The following RYR3 variants were observed in gnomAD, a reference collection of about 807,000 sequenced individuals.
RYR3 encodes brain ryanodine receptor-calcium release channel.
A neutral mutation model predicts 584.3 loss-of-function variants in RYR3; 207 were observed. That is an observed-to-expected ratio of 0.35 (90% CI 0.32 to 0.40). The LOEUF (loss-of-function observed/expected upper bound fraction) is 0.40, where lower values mean the gene tolerates loss of function less well. Among genes scored for constraint, RYR3 ranks in the 10% least tolerant of loss-of-function variants. The probability of loss-of-function intolerance (pLI) is 1.00; values close to 1 mark genes in which losing one functional copy is unlikely to be tolerated. For synonymous variants in RYR3, 2,416 were observed against 2,248.5 expected (o/e 1.07, Z -2.11); for missense variants, 5,616 against 6,089.2 (o/e 0.92, Z 2.59).
intron 1 of RYR3, among the ~76,000 whole-genome samples, chr15:33,464,503 T>TATATACACACAC (rs1180164194): frequency 2.8e-5 from 3 of 105,936 alleles, no homozygotes; most frequent in African/African-American, 6.7e-5. Context: ...CATATATATA[T>TATATACACACAC]ACATACACAT....
Position 33,660,305 on chromosome 15 carries a change from C to A in RYR3, c.4504C>A (p.Arg1502Ser). Residue 1502 changes from arginine (R) to serine (S), a missense_variant, in exon 34 of 104, where the codon CGC (arginine) becomes AGC (serine). Transcript: ENST00000634891. ...AACCATCCAGCCCGTGCTCTGGAGC[C>A]GCATGCCCAACAGCTTCCTGAAGGT... Reference protein sequence around the residue: ...VQTIQPVLWSRMPNSFLKVET... With the variant: ...VQTIQPVLWSSMPNSFLKVET... 1.3e-6 allele frequency: 2 copies of A among 1,577,784 alleles called. No individual in the cohort carries two copies. The highest frequency in any genetic ancestry group is 2.3e-5 in the East Asian group (1 of 42,686).
intron 75 of RYR3, among the ~76,000 whole-genome samples, chr15:33,817,975 C>T (rs1207027050): frequency 2.0e-5 from 3 of 152,142 alleles, no homozygotes; most frequent in Admixed American, 6.5e-5. Flanking sequence ...AAGAAAAGAC[C>T]TGATAAAAGG....
intron 1 of RYR3, among the ~76,000 whole-genome samples, chr15:33,455,898 T>C (rs887553135): frequency 2.6e-5 from 4 of 152,174 alleles, no homozygotes; most frequent in African/African-American, 9.7e-5. Context: ...AGTCCATCAG[T>C]ACACAAGCAT....
chr15:33,746,314 C>T (rs1435834924), intron 53 of RYR3, among the ~76,000 whole-genome samples, 157 bp downstream of exon 53: 1 of 152,206 alleles, frequency 6.6e-6, no homozygotes, highest in African/African-American at 2.4e-5. Context: ...TGGGCAAGTG[C>T]CTCAGGACCA....
At chr15:33,388,867 A>G (rs1339567086) in intron 1 of RYR3, among the ~76,000 whole-genome samples, 1 of 152,014 alleles carries the variant, frequency 6.6e-6, no homozygotes, top group Non-Finnish European at 1.5e-5. Flanking sequence ...AGATGAGGGC[A>G]CTCATCACTC....
At chr15:33,418,715 G>A (rs1596050974) in intron 1 of RYR3, among the ~76,000 whole-genome samples, 1 of 152,246 alleles carries the variant, frequency 6.6e-6, no homozygotes, top group Non-Finnish European at 1.5e-5. Context: ...GGCAAAGATA[G>A]ACATCCCAGA....
At chr15:33,561,832 G>A (rs1013743035) in intron 10 of RYR3, among the ~76,000 whole-genome samples, 98 of 152,010 alleles carry the variant, frequency 6.4e-4, no homozygotes, top group African/African-American at 2.3e-3. Flanking sequence ...CCTGGGGGCA[G>A]AGGTTGCAGT....
At chr15:33,573,676 C>G (rs1377130746) in intron 12 of RYR3, among the ~76,000 whole-genome samples, 9 of 152,126 alleles carry the variant, frequency 5.9e-5, no homozygotes, top group African/African-American at 2.2e-4. Flanking sequence ...TAAAAGAATT[C>G]ATTGGCAAAG....
chr15:33,813,624 A>G, intron 74 of RYR3, 45 bp downstream of exon 74: 1 of 1,431,638 alleles, frequency 7.0e-7, no homozygotes, highest in South Asian at 1.1e-5. Flanking sequence ...CAGCGATGGG[A>G]ATGGAGGTAT....
At chr15:33,379,071 T>C (rs1443601480) in intron 1 of RYR3, among the ~76,000 whole-genome samples, 1 of 152,204 alleles carries the variant, frequency 6.6e-6, no homozygotes, top group African/African-American at 2.4e-5. Context: ...GTGGATAAAC[T>C]ACTTCCCCCT....
At chr15:33,398,919 G>A (rs763469304) in intron 1 of RYR3, among the ~76,000 whole-genome samples, 7 of 152,172 alleles carry the variant, frequency 4.6e-5, no homozygotes, top group Non-Finnish European at 7.3e-5. Flanking sequence ...CTCACAGGGC[G>A]TGCCGAGAAT....
intron 11 of RYR3, among the ~76,000 whole-genome samples, chr15:33,565,459 C>T (rs1290743187): frequency 6.6e-6 from 1 of 152,156 alleles, no homozygotes; most frequent in Non-Finnish European, 1.5e-5. Context: ...TCTATTTCAT[C>T]ATATCAGGAA....
chr15:33,765,030 C>CAAAAAA (rs1183335863), intron 60 of RYR3, among the ~76,000 whole-genome samples: 946 of 85,604 alleles, frequency 0.011, 50 homozygotes, highest in African/African-American at 0.033. Context: ...GACTTCGTCT[C>CAAAAAA]AAAAAAAAAA....
chr15:33,331,128 G>A (rs1369448147), intron 1 of RYR3, among the ~76,000 whole-genome samples: 2 of 152,090 alleles, frequency 1.3e-5, no homozygotes, highest in Non-Finnish European at 2.9e-5. Flanking sequence ...TTTTCAGAAC[G>A]GAGCCTCTTC....
chr15:33,474,629 C>A (rs1345393280), intron 2 of RYR3, among the ~76,000 whole-genome samples: 1 of 152,174 alleles, frequency 6.6e-6, no homozygotes, highest in Non-Finnish European at 1.5e-5. Context: ...TATGGCCTAG[C>A]CAAGTTGACA....
At chr15:33,784,133 T>C (rs2074559867) in intron 65 of RYR3, among the ~76,000 whole-genome samples, 1 of 152,230 alleles carries the variant, frequency 6.6e-6, no homozygotes, top group Non-Finnish European at 1.5e-5. Flanking sequence ...GCTTTGCAAC[T>C]GCACATCCTG....
intron 38 of RYR3, among the ~76,000 whole-genome samples, chr15:33,688,490 G>C (rs187811138): frequency 6.6e-6 from 1 of 151,090 alleles, no homozygotes; most frequent in African/African-American, 2.4e-5. Flanking sequence ...GGAGAATGGC[G>C]TGGACCCGGG....
At chr15:33,349,613 C>G (rs1972944735) in intron 1 of RYR3, among the ~76,000 whole-genome samples, 1 of 137,394 alleles carries the variant, frequency 7.3e-6, no homozygotes, top group South Asian at 2.3e-4. Flanking sequence ...TTTAATTATA[C>G]TTTGAGTTTT....
At chr15:33,742,251 G>T in intron 51 of RYR3, 115 bp from the exon 52 acceptor site, 1 of 711,684 alleles carries the variant, frequency 1.4e-6, no homozygotes, top group Middle Eastern at 3.7e-4. Context: ...TTTGGGATTG[G>T]CTGGCTGATC....
Sources: gnomAD v4.1 joint callset for allele counts (sites outside exome capture counted in the v4.1 genomes callset) on GRCh38, gnomAD v4.1.1 for gene constraint, MANE v1.5 for transcripts, NCBI Gene and HGNC (gene_info 2026-07-23, HGNC 2026-07-21) for gene names.